The following GPD2 variants were observed in gnomAD, a reference collection of about 807,000 sequenced individuals.
GPD2 encodes glycerol-3-phosphate dehydrogenase, mitochondrial.
A neutral mutation model predicts 82.4 loss-of-function variants in GPD2; 54 were observed. The ratio of observed to expected loss-of-function variants is 0.66; its 90% CI spans 0.53 to 0.82. The LOEUF (loss-of-function observed/expected upper bound fraction) is 0.82, where lower values mean the gene tolerates loss of function less well. Ranked by LOEUF, GPD2 falls within the 40% of genes least tolerant of loss-of-function variation. GPD2 has a pLI of 0.00. For missense variants in GPD2, 748 were observed against 896.2 expected, an observed-to-expected ratio of 0.83 and a Z score of 2.11; for synonymous variants, 288 against 306.1, an observed-to-expected ratio of 0.94 and a Z score of 0.62.
At chr2:156,452,749 A>T (rs1008767117) in intron 1 of GPD2, among the ~76,000 whole-genome samples, 1 of 152,142 alleles carries the variant, frequency 6.6e-6, no homozygotes, top group Non-Finnish European at 1.5e-5. Flanking sequence ...GGTAGGAGAG[A>T]GTGGTGGGTA....
the GPD2 span, among the ~76,000 whole-genome samples, chr2:156,425,981 G>GT: frequency 6.7e-6 from 1 of 150,154 alleles, no homozygotes; most frequent in Admixed American, 6.7e-5. Flanking sequence ...GGAGTGCAGT[G>GT]GCGCCATCTC....
chr2:156,432,406 T>G (rs1168873927), upstream of GPD2, among the ~76,000 whole-genome samples: 1 of 152,086 alleles, frequency 6.6e-6, no homozygotes, highest in Non-Finnish European at 1.5e-5. Flanking sequence ...TCAGCCCCTG[T>G]CCCCCTCCCT....
intron 1 of GPD2, among the ~76,000 whole-genome samples, chr2:156,464,521 T>C (rs1175680974): frequency 6.6e-6 from 1 of 152,158 alleles, no homozygotes; most frequent in Admixed American, 6.5e-5. Flanking sequence ...CTAGGGATCT[T>C]CTCTCTGTTA....
intron 3 of GPD2, 140 bp downstream of exon 3, chr2:156,496,355 C>T (rs1383555209): frequency 1.6e-6 from 1 of 642,462 alleles, no homozygotes; most frequent in East Asian, 2.9e-5. Context: ...GCTCAGCATG[C>T]ATTAGCTATT....
At position 156,557,455 on chromosome 2, in the gene GPD2, G is replaced by A; in HGVS notation, c.1038G>A (p.Trp346Ter). The change falls in exon 9 of 17, where the codon TGG (tryptophan) becomes TGA (stop). Residue 346 changes from tryptophan (W) to a stop codon, truncating the protein, a stop_gained. Transcript: ENST00000438166. LOFTEE classifies it high-confidence loss of function. Reference protein sequence around the residue: ...SDGRVIFFLPWQKMTIAGTTD... With the variant: ...SDGRVIFFLP ...GGCGAGTTATTTTCTTCTTACCCTG[G>A]CAAAAGATGACGATCGCTGGCACTA... The A allele has an allele frequency of 1.2e-6, 2 of 1,609,676 alleles. No individual in the cohort carries two copies. The highest frequency in any genetic ancestry group is 1.7e-6 in the Non-Finnish European group (2 of 1,176,020).
In GPD2 at chr2:156,436,469, G is replaced by A. The variant is rs1485701488; in HGVS notation, c.-53G>A. On this transcript the variant is annotated 5_prime_UTR_variant, in exon 1 of 17. Coordinates refer to ENST00000438166, the MANE Select transcript of GPD2 (RefSeq NM_000408.5). ...GACTCCACCCTGGCTGGAGGAACTG[G>A]GTGCTCCTGCCCGCTGGCCCCTCGC... 3.3e-5 allele frequency: 5 copies of A among 152,290 alleles called. No individual in the cohort carries two copies. The highest frequency in any genetic ancestry group is 7.3e-5 in the Non-Finnish European group (5 of 68,160). 9.4% of individuals were successfully genotyped at this position (152,290 alleles called of 1,614,324 possible). A position where few individuals can be genotyped will look rare whatever the true frequency, so the allele number is the denominator to read the frequency against.
the GPD2 span, among the ~76,000 whole-genome samples, chr2:156,427,892 CT>C: frequency 8.5e-5 from 13 of 152,086 alleles, no homozygotes; most frequent in Non-Finnish European, 1.6e-4. Context: ...GGCTGCAGAC[CT>C]TTCTTGGCTT....
At position 156,552,894 on chromosome 2, in the gene GPD2, CTTTTTTTTTTTT is replaced by C. The variant is rs771404828; in HGVS notation, c.971+2160_971+2171del. On this transcript the variant is annotated intron_variant, in intron 8 of 16. Coordinates refer to ENST00000438166, the MANE Select transcript of GPD2 (RefSeq NM_000408.5). ...TCTTTCAGCTTCTGGTTCCTTATAT[CTTTTTTTTTTTT>C]TTTTTTTTTTTGAGATGAGGTTTTG... 3.3e-3 allele frequency among the ~76,000 whole-genome samples: 359 copies of C among 107,378 alleles called. 1 individual carries two copies. The highest frequency in any genetic ancestry group is 0.013 in the African/African-American group (339 of 26,820). The allele number at this position is 107,378 out of a possible 152,430, so 70.4% of individuals were successfully genotyped here. A position where few individuals can be genotyped will look rare whatever the true frequency, so the allele number is the denominator to read the frequency against.
chr2:156,564,549 G>C (rs1400762758), intron 9 of GPD2, among the ~76,000 whole-genome samples: 2 of 152,056 alleles, frequency 1.3e-5, no homozygotes, highest in East Asian at 1.9e-4. Flanking sequence ...TTATACCCAA[G>C]GTCCTGAGGA....
chr2:156,423,340 T>G, the GPD2 span, among the ~76,000 whole-genome samples: 1 of 152,234 alleles, frequency 6.6e-6, no homozygotes, highest in African/African-American at 2.4e-5. Flanking sequence ...GTAGTCAGAT[T>G]ATAGGGGCTG....
At chr2:156,483,846 G>A (rs560172071) in intron 2 of GPD2, among the ~76,000 whole-genome samples, 3 of 152,164 alleles carry the variant, frequency 2.0e-5, no homozygotes, top group East Asian at 1.9e-4. Flanking sequence ...TAACATTTTC[G>A]ATCATTTAAC....
At chr2:156,499,677 A>G (rs1684516622) in intron 3 of GPD2, among the ~76,000 whole-genome samples, 1 of 152,026 alleles carries the variant, frequency 6.6e-6, no homozygotes, top group African/African-American at 2.4e-5. Flanking sequence ...GTTTATATCA[A>G]TCTTTACATT....
chr2:156,447,245 A>G (rs1048141621), intron 1 of GPD2, among the ~76,000 whole-genome samples: 1 of 152,048 alleles, frequency 6.6e-6, no homozygotes, highest in Non-Finnish European at 1.5e-5. Flanking sequence ...GTTCTTCCTT[A>G]AAGTACTTTT....
chr2:156,425,361 G>A, the GPD2 span, among the ~76,000 whole-genome samples: 3 of 152,096 alleles, frequency 2.0e-5, no homozygotes, highest in African/African-American at 7.2e-5. Context: ...ACAGGAATGA[G>A]CCACCATGCC....
In GPD2 at chr2:156,476,826, A is replaced by G. The variant is rs1442402471; in HGVS notation, c.102+619A>G. On this transcript the variant is annotated intron_variant, in intron 2 of 16. Transcript: ENST00000438166. Reference sequence around the variant, plus strand: ...TGATGCCCGGAAATAATTTTGCTGAATGGCTTTGTTCTTTTCAGGCTTGAA... The same window carrying G: ...TGATGCCCGGAAATAATTTTGCTGAGTGGCTTTGTTCTTTTCAGGCTTGAA... 2.0e-5 allele frequency among the ~76,000 whole-genome samples: 3 copies of G among 152,118 alleles called. No homozygotes were observed. The East Asian group carries it at 5.8e-4, about 29-fold the overall frequency.
the GPD2 span, among the ~76,000 whole-genome samples, chr2:156,410,725 C>T: frequency 6.6e-6 from 1 of 152,176 alleles, no homozygotes; most frequent in Admixed American, 6.5e-5. Flanking sequence ...TGGCAAAGTG[C>T]TGCATTACAA....
At position 156,461,161 on chromosome 2, in the gene GPD2, C is replaced by CTT. The variant is rs70987039; in HGVS notation, c.-8-14913_-8-14912dup. On this transcript the variant is annotated intron_variant, in intron 1 of 16. Coordinates refer to ENST00000438166, the MANE Select transcript of GPD2 (RefSeq NM_000408.5). ...ATTATCACATTATCTCTCTCTATCT[C>CTT]TTTTTTTTTTTTTTTTTTTTTTTTT... 1.2e-3 allele frequency among the ~76,000 whole-genome samples: 128 copies of CTT among 106,410 alleles called. 2 individuals carry two copies. Among genetic ancestry groups the CTT allele is most frequent in the Middle Eastern group, 5.1e-3 (1 of 196 alleles). The allele number at this position is 106,410 out of a possible 152,430, so 69.8% of individuals were successfully genotyped here. A position where few individuals can be genotyped will look rare whatever the true frequency, so the allele number is the denominator to read the frequency against.
chr2:156,401,202 A>C, the GPD2 span, among the ~76,000 whole-genome samples: 1 of 152,148 alleles, frequency 6.6e-6, no homozygotes, highest in African/African-American at 2.4e-5. Flanking sequence ...GAATTCTACC[A>C]CTGAACCACC....
the GPD2 span, among the ~76,000 whole-genome samples, chr2:156,406,574 TTC>T: frequency 6.6e-6 from 1 of 152,128 alleles, no homozygotes; most frequent in African/African-American, 2.4e-5. Context: ...CCTCCCCTAC[TTC>T]TCTCTCTCCC....
Sources: allele counts gnomAD v4.1 joint callset (sites outside exome capture counted in the v4.1 genomes callset), GRCh38; gene constraint gnomAD v4.1.1; transcripts MANE v1.5; gene names NCBI Gene and HGNC (gene_info 2026-07-23, HGNC 2026-07-21).